The following ARHGDIA variants were observed in gnomAD, a reference collection of about 807,000 sequenced individuals.
ARHGDIA encodes Rho GDP dissociation inhibitor alpha.
ARHGDIA carries 9 observed loss-of-function variants against 25.0 expected under a neutral mutation model. That is an observed-to-expected ratio of 0.36 (90% CI 0.22 to 0.63). ARHGDIA has a LOEUF of 0.63. Among genes scored for constraint, ARHGDIA ranks in the 20% least tolerant of loss-of-function variants. The pLI is 0.69. For synonymous variants in ARHGDIA, 166 were observed against 111.5 expected (o/e 1.49, Z -3.08); for missense variants, 239 against 264.3 (o/e 0.90, Z 0.66).
chr17:81,869,525 G>A lies in ARHGDIA; in HGVS notation c.274+17C>T, dbSNP rs1384616174. 1.2e-6 allele frequency: 2 copies of A among 1,601,288 alleles called. No individual in the cohort carries two copies. The highest frequency in any genetic ancestry group is 1.1e-5 in the South Asian group (1 of 89,890). ...CACCAGGGGCCGCCCGGACCCCCGCGGCCGCAGGGCACTCACCCGTCAGGT... is the reference window on the plus strand; with the variant it reads ...CACCAGGGGCCGCCCGGACCCCCGCAGCCGCAGGGCACTCACCCGTCAGGT... On this transcript the variant is annotated intron_variant, in intron 3 of 5. Transcript: ENST00000269321.
rs1286283999 is a variant in ARHGDIA at position 81,869,227 on chromosome 17, C to T, written c.361G>A (p.Glu121Lys). The change falls in exon 5 of 6, where the codon GAG becomes AAG. Residue 121 changes from glutamate (E) to lysine (K), a missense_variant. By Grantham distance (56) the Glu-to-Lys change is moderately conservative. Transcript: ENST00000269321. ...RIKISFRVNR[E>K]IVSGMKYIQH... is the part of the protein sequence containing the mutation. Reference sequence around the variant, plus strand: ...ATGTACTTCATGCCGGACACTATCTCTCGGTTAACCTGCAGGACCCGAAGC... The same window carrying T: ...ATGTACTTCATGCCGGACACTATCTTTCGGTTAACCTGCAGGACCCGAAGC... The T allele has an allele frequency of 6.2e-7, 1 of 1,614,000 alleles. No individual in the cohort carries two copies.
At chr17:81,870,202 C>T (rs1408376841) in intron 1 of ARHGDIA, 9 of 476,100 alleles carry the variant, frequency 1.9e-5, no homozygotes, top group Non-Finnish European at 3.4e-5. Flanking sequence ...GACACACCTC[C>T]CCCTCCACGA....
rs772758106 is a variant in ARHGDIA at position 81,868,929 on chromosome 17, C to A, written c.562G>T (p.Asp188Tyr). 3 of 1,613,678 alleles carry A rather than the reference C, an allele frequency of 1.9e-6. No individual in the cohort carries two copies. Among genetic ancestry groups the A allele is most frequent in the East Asian group, 4.5e-5 (2 of 44,868 alleles). Reference sequence around the variant, plus strand: ...AGATTCCACTCCCAGGACAGGTGGTCGGTCTTGTCGTCGTCTGTGAAGCGG... The same window carrying A: ...AGATTCCACTCCCAGGACAGGTGGTAGGTCTTGTCGTCGTCTGTGAAGCGG... ...KSRFTDDDKT[D>Y]HLSWEWNLTI... is the part of the protein sequence containing the mutation. The change falls in exon 6 of 6, where the codon GAC becomes TAC. Residue 188 changes from aspartate to tyrosine, a missense_variant. Transcript: ENST00000269321.
In ARHGDIA at chr17:81,868,030, G is replaced by A. The variant is rs2039099124; in HGVS notation, c.*846C>T. 4.3e-6 allele frequency: 1 copy of A among 233,788 alleles called. No individual in the cohort carries two copies. The highest frequency in any genetic ancestry group is 8.3e-6 in the Non-Finnish European group (1 of 120,296). The allele number at this position is 233,788 out of a possible 1,614,324, so 14.5% of individuals were successfully genotyped here. ...GGGCCCAGGTGGGGTGAGTGAGGCT[G>A]TCCATCGAGGGCTCTTGGGGGGGTG... On this transcript the variant is annotated 3_prime_UTR_variant, in exon 6 of 6. Transcript: ENST00000269321.
rs2039107257 is a variant in ARHGDIA at position 81,868,201 on chromosome 17, G to C, written c.*675C>G. 2.8e-6 allele frequency: 2 copies of C among 704,352 alleles called. No homozygotes were observed. The highest frequency in any genetic ancestry group is 4.4e-6 in the Non-Finnish European group (2 of 454,826). 43.6% of individuals were successfully genotyped at this position (704,352 alleles called of 1,614,324 possible). A position where few individuals can be genotyped will look rare whatever the true frequency, so the allele number is the denominator to read the frequency against. On this transcript the variant is annotated 3_prime_UTR_variant, in exon 6 of 6. Coordinates refer to ENST00000269321, the MANE Select transcript of ARHGDIA (RefSeq NM_004309.6). ...CATCTCCACAGCCCTGTCCAGGGAA[G>C]GGGGCAGGCTGGCCAGGCACTGGTG...
rs981455275 is a variant in ARHGDIA, at chr17:81,868,390, C to A, written c.*486G>T. The A allele has an allele frequency of 2.1e-6, 3 of 1,444,580 alleles. No individual in the cohort carries two copies. The highest frequency in any genetic ancestry group is 1.4e-5 in the African/African-American group (1 of 69,862). The allele number at this position is 1,444,580 out of a possible 1,614,324, so 89.5% of individuals were successfully genotyped here. On this transcript the variant is annotated 3_prime_UTR_variant, in exon 6 of 6. Transcript: ENST00000269321. ...TTAAGGCATCATGGTTAGACGGGAC[C>A]GACAGCGACAAGGGGGCTGGCCAGG... is the stretch of plus-strand genomic sequence containing the variant.
In ARHGDIA at chr17:81,868,355, A is replaced by C. The variant is rs1490822171; in HGVS notation, c.*521T>G. On this transcript the variant is annotated 3_prime_UTR_variant, in exon 6 of 6. Coordinates refer to ENST00000269321, the MANE Select transcript of ARHGDIA (RefSeq NM_004309.6). ...AGAGGCTAGTGAGGCCCCACGGTACACTCCACATGTTAAGGCATCATGGTT... is the reference window on the plus strand; with the variant it reads ...AGAGGCTAGTGAGGCCCCACGGTACCCTCCACATGTTAAGGCATCATGGTT... 3 of 1,432,060 alleles carry C rather than the reference A, an allele frequency of 2.1e-6. No individual in the cohort carries two copies. Among genetic ancestry groups the C allele is most frequent in the Non-Finnish European group, 2.7e-6 (3 of 1,095,852 alleles). 88.7% of individuals were successfully genotyped at this position (1,432,060 alleles called of 1,614,324 possible).
At chr17:81,870,029 G>C in intron 1 of ARHGDIA, 72 bp from the exon 2 acceptor site, 2 of 1,445,878 alleles carry the variant, frequency 1.4e-6, no homozygotes, top group Non-Finnish European at 1.9e-6. Context: ...AGGAGTGTGG[G>C]CTGCAGCCGG....
In ARHGDIA at chr17:81,868,709, G is replaced by T; in HGVS notation, c.*167C>A. 2 of 1,533,638 alleles carry T rather than the reference G, an allele frequency of 1.3e-6. No individual in the cohort carries two copies. The highest frequency in any genetic ancestry group is 2.4e-5 in the South Asian group (2 of 83,164). On this transcript the variant is annotated 3_prime_UTR_variant, in exon 6 of 6. Coordinates refer to ENST00000269321, the MANE Select transcript of ARHGDIA (RefSeq NM_004309.6). ...CCTGTGGGTGGGGGAGGGCTGAGGA[G>T]GGGGGTCGGAGGCACTCGGTTGAGC... is the stretch of plus-strand genomic sequence containing the variant.
chr17:81,870,035 G>A (rs2039239996), intron 1 of ARHGDIA, 78 bp from the exon 2 acceptor site: 1 of 1,420,288 alleles, frequency 7.0e-7, no homozygotes, highest in Non-Finnish European at 9.4e-7. Flanking sequence ...GTGGGCTGCA[G>A]CCGGAGCTCC....
Position 81,868,998 on chromosome 17 carries a change from C to A in ARHGDIA, c.493G>T (p.Ala165Ser). 6.2e-7 allele frequency: 1 copy of A among 1,613,762 alleles called. No individual in the cohort carries two copies. Among genetic ancestry groups the A allele is most frequent in the Non-Finnish European group, 8.5e-7 (1 of 1,179,984 alleles). ...CCCCGGGCCAGCATACCCTTGGGTG[C>A]CTCCTCCACGGGGGTCAGGAACTCG... Reference protein sequence around the residue: ...EYEFLTPVEEAPKGMLARGSY... With the variant: ...EYEFLTPVEESPKGMLARGSY... Residue 165 changes from alanine (A) to serine (S), a missense_variant, in exon 6 of 6, where the codon GCA becomes TCA. By Grantham distance (99) the Ala-to-Ser change is moderately conservative. Coordinates refer to ENST00000269321, the MANE Select transcript of ARHGDIA (RefSeq NM_004309.6).
chr17:81,868,924 G>A lies in ARHGDIA; in HGVS notation c.567C>T (p.His189=), dbSNP rs1427933706. 2 of 1,613,666 alleles carry A rather than the reference G, an allele frequency of 1.2e-6. No individual in the cohort carries two copies. The highest frequency in any genetic ancestry group is 1.7e-5 in the Admixed American group (1 of 60,002). Reference sequence around the variant, plus strand: ...TGGTGAGATTCCACTCCCAGGACAGGTGGTCGGTCTTGTCGTCGTCTGTGA... The same window carrying A: ...TGGTGAGATTCCACTCCCAGGACAGATGGTCGGTCTTGTCGTCGTCTGTGA... ...SRFTDDDKTD[H]LSWEWNLTIK... is the part of the protein sequence containing the mutation. The change falls in exon 6 of 6, where the codon CAC becomes CAT. Residue 189 remains histidine, a synonymous_variant. Coordinates refer to ENST00000269321, the MANE Select transcript of ARHGDIA (RefSeq NM_004309.6).
At position 81,868,942 on chromosome 17, in the gene ARHGDIA, G is replaced by A. The variant is rs114505631; in HGVS notation, c.549C>T (p.Asp183=). 537 of 1,613,816 alleles carry A rather than the reference G, an allele frequency of 3.3e-4. 2 individuals are homozygous for A. The African/African-American group carries it at 6.1e-3, about 18-fold the overall frequency. The change falls in exon 6 of 6, where the codon GAC becomes GAT. Residue 183 remains aspartate (D), a synonymous_variant. Coordinates refer to ENST00000269321, the MANE Select transcript of ARHGDIA (RefSeq NM_004309.6). ...AGGACAGGTGGTCGGTCTTGTCGTC[G>A]TCTGTGAAGCGGGACTTGATGCTGT... The part of the protein sequence containing the change: ...GSYSIKSRFT[D]DDKTDHLSWE...
In ARHGDIA at chr17:81,868,257, TGTCCCTGG is replaced by T; in HGVS notation, c.*611_*618del. On this transcript the variant is annotated 3_prime_UTR_variant, in exon 6 of 6. Transcript: ENST00000269321. ...GGGAGCAGCAGCAGCACACCCCACG[TGTCCCTGG>T]GTCACTGGGTTCGCCACCGGGGAAG... 5.5e-6 allele frequency: 6 copies of T among 1,094,514 alleles called. No individual in the cohort carries two copies. Among genetic ancestry groups the T allele is most frequent in the East Asian group, 2.7e-5 (1 of 37,292 alleles). The allele number at this position is 1,094,514 out of a possible 1,614,324, so 67.8% of individuals were successfully genotyped here. A position where few individuals can be genotyped will look rare whatever the true frequency, so the allele number is the denominator to read the frequency against.
chr17:81,869,207 C>T lies in ARHGDIA; in HGVS notation c.381G>A (p.Lys127=), dbSNP rs779674387. 5.0e-6 allele frequency: 8 copies of T among 1,613,938 alleles called. No homozygotes were observed. The highest frequency in any genetic ancestry group is 1.7e-5 in the Admixed American group (1 of 60,002). ...CTTTCCTGTACGTATGCTGGATGTA[C>T]TTCATGCCGGACACTATCTCTCGGT... The part of the protein sequence containing the change: ...RVNREIVSGM[K]YIQHTYRKGV... The change falls in exon 5 of 6, where the codon AAG becomes AAA. Residue 127 remains lysine (K), a synonymous_variant. Transcript: ENST00000269321.
intron 1 of ARHGDIA, chr17:81,870,201 C>A: frequency 4.2e-6 from 2 of 477,158 alleles, no homozygotes; most frequent in Non-Finnish European, 7.6e-6. Context: ...GGACACACCT[C>A]CCCCTCCACG....
intron 2 of ARHGDIA, 22 bp from the exon 3 acceptor site, chr17:81,869,647 G>GGGCCCC: frequency 6.6e-7 from 1 of 1,520,964 alleles, no homozygotes; most frequent in East Asian, 2.4e-5. Flanking sequence ...CAGCAGGTGA[G>GGGCCCC]GGCCCCACCC....
At chr17:81,870,471 C>T (rs367677569) in intron 1 of ARHGDIA, among the ~76,000 whole-genome samples, 1 of 152,200 alleles carries the variant, frequency 6.6e-6, no homozygotes, top group Non-Finnish European at 1.5e-5. Context: ...TTAGGGGCAG[C>T]TAGAATACCG....
intron 1 of ARHGDIA, 66 bp downstream of exon 1, chr17:81,871,232 G>A (rs1291346104): frequency 6.8e-6 from 1 of 146,722 alleles, no homozygotes; most frequent in Non-Finnish European, 1.5e-5. Context: ...CCCCGCCGGC[G>A]CCGCCGGTCC....
Sources: gnomAD v4.1 joint callset for allele counts (sites outside exome capture counted in the v4.1 genomes callset) on GRCh38, gnomAD v4.1.1 for gene constraint, MANE v1.5 for transcripts, NCBI Gene and HGNC (gene_info 2026-07-23, HGNC 2026-07-21) for gene names.